The following GFM1 variants were observed in gnomAD, a reference collection of about 807,000 sequenced individuals.
The protein encoded by GFM1 is G elongation factor mitochondrial 1.
GFM1 carries 62 observed loss-of-function variants against 96.2 expected under a neutral mutation model. The observed-to-expected ratio is 0.64, with a 90% CI of 0.53 to 0.80. GFM1 has a LOEUF of 0.80. Among genes scored for constraint, GFM1 ranks in the 30% least tolerant of loss-of-function variants. GFM1 has a pLI of 0.00. For missense variants in GFM1, 852 were observed against 916.6 expected (o/e 0.93, Z 0.91); for synonymous variants, 282 against 312.9 (o/e 0.90, Z 1.04).
intron 13 of GFM1, chr3:158,667,076 T>A: frequency 6.3e-7 from 1 of 1,578,326 alleles, no homozygotes; most frequent in Non-Finnish European, 8.6e-7. Context: ...ATTTCTTTGC[T>A]ATGACAAAAA....
intron 9 of GFM1, among the ~76,000 whole-genome samples, chr3:158,659,823 A>G (rs1723051662): frequency 6.6e-6 from 1 of 152,154 alleles, no homozygotes; most frequent in Admixed American, 6.5e-5. Flanking sequence ...CTAGAAGAGG[A>G]ATTGTCAGTC....
chr3:158,657,708 T>A (rs1312237692), intron 8 of GFM1, among the ~76,000 whole-genome samples: 6 of 152,174 alleles, frequency 3.9e-5, no homozygotes. Context: ...GTGGGTAGGA[T>A]CTAAATGTAT....
chr3:158,657,937 C>T (rs1722895038), intron 8 of GFM1, among the ~76,000 whole-genome samples: 2 of 151,996 alleles, frequency 1.3e-5, no homozygotes, highest in Non-Finnish European at 2.9e-5. Context: ...TTATATCTGT[C>T]AGGGTTAGTT....
In GFM1 at chr3:158,693,544, A is replaced by G. The variant is rs1576803429; in HGVS notation, c.*2077A>G. On this transcript the variant is annotated 3_prime_UTR_variant, in exon 18 of 18. Transcript: ENST00000486715. ...TCACAAATGGACAGATCAGGACTAG[A>G]ACCCACATCTCTTTCTAAGTCATTA... is the stretch of plus-strand genomic sequence containing the variant. 6.6e-6 allele frequency: 1 copy of G among 152,360 alleles called. No homozygotes were observed. The highest frequency in any genetic ancestry group is 1.9e-4 in the East Asian group (1 of 5,190). The allele number at this position is 152,360 out of a possible 1,614,324, so 9.4% of individuals were successfully genotyped here.
chr3:158,649,778 C>T (rs1576727935), intron 5 of GFM1: 2 of 513,338 alleles, frequency 3.9e-6, no homozygotes, highest in East Asian at 5.9e-5. Flanking sequence ...ATAACAATCC[C>T]CTGGAGACTT....
At chr3:158,650,291 C>T (rs946648870) in intron 5 of GFM1, 33 of 520,286 alleles carry the variant, frequency 6.3e-5, no homozygotes, top group Middle Eastern at 5.2e-4. Context: ...TATGTCCCAG[C>T]CCCTAGAACA....
At chr3:158,658,718 A>T (rs553690125) in intron 8 of GFM1, among the ~76,000 whole-genome samples, 2 of 152,238 alleles carry the variant, frequency 1.3e-5, no homozygotes, top group Admixed American at 6.5e-5. Context: ...TTAGATTGTG[A>T]TACCAAAAGG....
At position 158,690,157 on chromosome 3, in the gene GFM1, A is replaced by C. The variant is rs1159532377; in HGVS notation, c.1910-6A>C. On this transcript the variant is annotated splice_polypyrimidine_tract_variant and splice_region_variant and intron_variant, in intron 15 of 17. Coordinates refer to ENST00000486715, the MANE Select transcript of GFM1 (RefSeq NM_024996.7). ...ACTAATGAACTTTTTTTTTTTTTTA[A>C]CCCAGCCTTGGCAAATGCAACATTA... The C allele has an allele frequency of 1.9e-6, 3 of 1,605,816 alleles. No homozygotes were observed.
At position 158,694,044 on chromosome 3, in the gene GFM1, TA is replaced by T. The variant is rs1726465784; in HGVS notation, c.*2579del. Among the ~76,000 whole-genome samples the T allele has an allele frequency of 6.6e-6, 1 of 151,906 alleles. No individual in the cohort carries two copies. The highest frequency in any genetic ancestry group is 6.6e-5 in the Admixed American group (1 of 15,238). ...TTTTTTTTTAAGAGATGGGGTCTTC[TA>T]AGACAAAAACCATCTGACTCAGCAA... On this transcript the variant is annotated 3_prime_UTR_variant, in exon 18 of 18. Transcript: ENST00000486715.
At chr3:158,658,713 T>C (rs1168794511) in intron 8 of GFM1, among the ~76,000 whole-genome samples, 5 of 152,240 alleles carry the variant, frequency 3.3e-5, no homozygotes, top group Non-Finnish European at 5.9e-5. Context: ...ATGTCTTAGA[T>C]TGTGATACCA....
At chr3:158,671,040 T>G in intron 13 of GFM1, 1 of 1,504,346 alleles carries the variant, frequency 6.6e-7, no homozygotes, top group Non-Finnish European at 8.9e-7. Context: ...GAAAATGTAG[T>G]GGAGACAAGA....
At position 158,693,916 on chromosome 3, in the gene GFM1, C is replaced by G. The variant is rs567053169; in HGVS notation, c.*2449C>G. The stretch of plus-strand genomic sequence containing the variant: ...CCGCTGAAATATTGCCTGCACTGCG[C>G]TTAAGCCCAAGACATGAAATGAAAA... On this transcript the variant is annotated 3_prime_UTR_variant, in exon 18 of 18. Transcript: ENST00000486715. 2.0e-5 allele frequency: 3 copies of G among 152,190 alleles called. No homozygotes were observed. Among genetic ancestry groups the G allele is most frequent in the Non-Finnish European group, 4.4e-5 (3 of 68,014 alleles). 9.4% of individuals were successfully genotyped at this position (152,190 alleles called of 1,614,324 possible).
At chr3:158,675,284 TCAAAAAAAAAAAAAA>T (rs1724782962) in intron 13 of GFM1, among the ~76,000 whole-genome samples, 1 of 44,508 alleles carries the variant, frequency 2.2e-5, no homozygotes, top group Non-Finnish European at 3.9e-5. Flanking sequence ...AGACTCCATC[TCAAAAAAAAAAAAAA>T]AAAAAAAAAA....
At position 158,695,208 on chromosome 3, in the gene GFM1, T is replaced by C. The variant is rs1443256637; in HGVS notation, c.*3741T>C. Among the ~76,000 whole-genome samples the C allele has an allele frequency of 6.6e-6, 1 of 151,856 alleles. No homozygotes were observed. The highest frequency in any genetic ancestry group is 1.5e-5 in the Non-Finnish European group (1 of 67,964). ...GGCCAACACGGTGAAACCCCGTCTCTACTATAAATACAAAAATCGTCCGGG... is the reference window on the plus strand; with the variant it reads ...GGCCAACACGGTGAAACCCCGTCTCCACTATAAATACAAAAATCGTCCGGG... On this transcript the variant is annotated 3_prime_UTR_variant, in exon 18 of 18. Transcript: ENST00000486715.
In GFM1 at chr3:158,662,638, A is replaced by G. The variant is rs1303817347; in HGVS notation, c.1334A>G (p.His445Arg). 1.3e-6 allele frequency: 2 copies of G among 1,595,322 alleles called. No homozygotes were observed. The highest frequency in any genetic ancestry group is 1.1e-5 in the South Asian group (1 of 90,710). ...ANSGLSMESI[H>R]VPDPVISIAM... is the part of the protein sequence containing the mutation. The stretch of plus-strand genomic sequence containing the variant: ...TAAAAAATATTTTAGGAGTCAATTC[A>G]TGTTCCTGATCCTGTCATTTCAATA... Residue 445 changes from histidine to arginine, a missense_variant, in exon 11 of 18, where the codon CAT becomes CGT. Coordinates refer to ENST00000486715, the MANE Select transcript of GFM1 (RefSeq NM_024996.7).
intron 16 of GFM1, chr3:158,690,550 T>A (rs572344679): frequency 1.7e-5 from 9 of 534,144 alleles, no homozygotes; most frequent in Non-Finnish European, 3.0e-5. Context: ...AGATGTATAT[T>A]ATCTCTCTTT....
chr3:158,681,756 T>C (rs916212007), intron 13 of GFM1, among the ~76,000 whole-genome samples: 2 of 152,204 alleles, frequency 1.3e-5, no homozygotes, highest in African/African-American at 4.8e-5. Context: ...CTTTTACTTT[T>C]TTATTTGTGA....
rs772489397 is a variant in GFM1 at position 158,669,094 on chromosome 3, G to C, written c.1601+2708G>C. The C allele has an allele frequency of 5.2e-5, 84 of 1,613,042 alleles. No homozygotes were observed. The Admixed American group carries it at 1.4e-3, about 27-fold the overall frequency. ...CCACAGGCAACCCAGGCTAAATGTA[G>C]AACGAGCGTCATTTCTGGAGATACA... On this transcript the variant is annotated intron_variant, in intron 13 of 17. Coordinates refer to ENST00000486715, the MANE Select transcript of GFM1 (RefSeq NM_024996.7).
At chr3:158,656,120 G>T in intron 8 of GFM1, 1 of 230,214 alleles carries the variant, frequency 4.3e-6, no homozygotes, top group Non-Finnish European at 8.7e-6. Context: ...CAGACTTGCA[G>T]CATGATTTAT....
Sources: gnomAD v4.1 joint callset for allele counts (sites outside exome capture counted in the v4.1 genomes callset) on GRCh38, gnomAD v4.1.1 for gene constraint, MANE v1.5 for transcripts, NCBI Gene and HGNC (gene_info 2026-07-23, HGNC 2026-07-21) for gene names.